Variants in RALA observed in about 807,000 individuals in gnomAD.
The protein encoded by RALA is RAS like proto-oncogene A.
Under a neutral mutation model 24.0 loss-of-function variants are expected in RALA, and 5 were observed. The ratio of observed to expected loss-of-function variants is 0.21; its 90% CI spans 0.11 to 0.44. The LOEUF is 0.44. Ranked by LOEUF, RALA falls within the 20% of genes least tolerant of loss-of-function variation. RALA has a pLI of 0.99. For synonymous variants in RALA, 77 were observed against 83.8 expected, an observed-to-expected ratio of 0.92 and a Z score of 0.44; for missense variants, 95 against 241.2, an observed-to-expected ratio of 0.39 and a Z score of 4.01.
At chr7:39,641,348 A>T (rs1263036082) in intron 1 of RALA, among the ~76,000 whole-genome samples, 1 of 152,230 alleles carries the variant, frequency 6.6e-6, no homozygotes, top group Non-Finnish European at 1.5e-5. Flanking sequence ...ATTGAAACAA[A>T]CATATATGAT....
At position 39,677,065 on chromosome 7, in the gene RALA, G is replaced by A. The variant is rs1052846289; in HGVS notation, c.-37-9566G>A. Among the ~76,000 whole-genome samples the A allele has an allele frequency of 2.6e-5, 4 of 152,210 alleles. No homozygotes were observed. The East Asian group carries it at 7.7e-4, about 29-fold the overall frequency. On this transcript the variant is annotated intron_variant, in intron 1 of 4. Coordinates refer to ENST00000005257, the MANE Select transcript of RALA (RefSeq NM_005402.4). ...GTGTCATAAAAGGGAAGTAGAGGGA[G>A]GTTTGAGTTTGGCTAAAGTAGAGGA...
chr7:39,665,396 A>T (rs1174793858), intron 1 of RALA, among the ~76,000 whole-genome samples: 2 of 152,232 alleles, frequency 1.3e-5, no homozygotes, highest in Non-Finnish European at 2.9e-5. Flanking sequence ...TGTGTTAATC[A>T]ACTATTATGT....
At chr7:39,631,652 T>C (rs1170124571) in intron 1 of RALA, among the ~76,000 whole-genome samples, 21 of 152,248 alleles carry the variant, frequency 1.4e-4, no homozygotes, top group Non-Finnish European at 4.4e-5. Flanking sequence ...GTTTTCAACA[T>C]TTCTTGCTTA....
rs117721075 is a variant in RALA at position 39,644,269 on chromosome 7, C to T, written c.-38+20444C>T. Among the ~76,000 whole-genome samples, 28 of 151,818 alleles carry T rather than the reference C, an allele frequency of 1.8e-4. 2 individuals carry two copies. The East Asian group carries it at 4.8e-3, about 26-fold the overall frequency. ...ATAAGATACTCAGTAGGTATTCACCCATTGGTGCTTATTTTGGGAGCTAAT... is the reference window on the plus strand; with the variant it reads ...ATAAGATACTCAGTAGGTATTCACCTATTGGTGCTTATTTTGGGAGCTAAT... On this transcript the variant is annotated intron_variant, in intron 1 of 4. Transcript: ENST00000005257.
intron 1 of RALA, among the ~76,000 whole-genome samples, chr7:39,673,177 G>GA (rs1792419831): frequency 1.3e-5 from 2 of 152,044 alleles, no homozygotes; most frequent in South Asian, 4.1e-4. Flanking sequence ...GACAGAGCGA[G>GA]ACTCTGTCTC....
In RALA at chr7:39,623,585, C is replaced by G. The variant is rs1157837977; in HGVS notation, c.-278C>G. ...CGGAAGTGATCTGTGGCGGCTGCTG[C>G]AGAGCCGCCAGGAGGAGGGTGGATC... On this transcript the variant is annotated 5_prime_UTR_variant, in exon 1 of 5. Transcript: ENST00000005257. The surrounding 1 kb of genome is among the most constrained non-coding windows in gnomAD (Gnocchi z 4.9). The G allele has an allele frequency of 6.6e-6, 1 of 152,636 alleles. No individual in the cohort carries two copies. The highest frequency in any genetic ancestry group is 1.5e-5 in the Non-Finnish European group (1 of 68,246). The allele number at this position is 152,636 out of a possible 1,614,324, so 9.5% of individuals were successfully genotyped here.
chr7:39,659,678 TC>T (rs1299726689), intron 1 of RALA, among the ~76,000 whole-genome samples: 2 of 152,166 alleles, frequency 1.3e-5, no homozygotes, highest in Admixed American at 6.5e-5. Context: ...TTTTGGAATC[TC>T]TGGGTAAATA....
chr7:39,705,694 C>A (rs944192738), intron 4 of RALA, among the ~76,000 whole-genome samples: 1 of 151,720 alleles, frequency 6.6e-6, no homozygotes, highest in Non-Finnish European at 1.5e-5. Flanking sequence ...CTGAGGAAAC[C>A]AAGTTATGAA....
At chr7:39,660,465 G>A (rs1792168283) in intron 1 of RALA, among the ~76,000 whole-genome samples, 1 of 151,962 alleles carries the variant, frequency 6.6e-6, no homozygotes, top group South Asian at 2.1e-4. Context: ...AAGGAATATT[G>A]AATTTTATCC....
chr7:39,697,640 T>TGG (rs1212989475), intron 4 of RALA: 1 of 300,520 alleles, frequency 3.3e-6, no homozygotes, highest in Non-Finnish European at 6.7e-6. Context: ...ACACACATTC[T>TGG]TGGGTCTTAC....
At chr7:39,672,791 T>A (rs1448521612) in intron 1 of RALA, among the ~76,000 whole-genome samples, 1 of 152,126 alleles carries the variant, frequency 6.6e-6, no homozygotes, top group Non-Finnish European at 1.5e-5. Flanking sequence ...CCTGAAATCC[T>A]ATCAGTGGCT....
At chr7:39,685,084 G>A (rs922296764) in intron 1 of RALA, among the ~76,000 whole-genome samples, 2 of 152,106 alleles carry the variant, frequency 1.3e-5, no homozygotes, top group African/African-American at 2.4e-5. Context: ...TTACTTTGGC[G>A]CCAACCTAAT....
At chr7:39,630,452 G>A (rs1000960905) in intron 1 of RALA, among the ~76,000 whole-genome samples, 3 of 151,986 alleles carry the variant, frequency 2.0e-5, no homozygotes, top group Non-Finnish European at 2.9e-5. Context: ...GACATATGTT[G>A]CAGATATTTT....
intron 1 of RALA, among the ~76,000 whole-genome samples, chr7:39,684,830 G>A (rs1047649141): frequency 6.6e-6 from 1 of 152,126 alleles, no homozygotes; most frequent in African/African-American, 2.4e-5. Flanking sequence ...GACAAGCTTG[G>A]CTTAAAGCAT....
chr7:39,687,704 G>T (rs1013569714), intron 2 of RALA, among the ~76,000 whole-genome samples: 5 of 152,104 alleles, frequency 3.3e-5, no homozygotes, highest in Admixed American at 3.3e-4. Context: ...CCTCACTTCT[G>T]TTTTCTCCCA....
intron 1 of RALA, among the ~76,000 whole-genome samples, chr7:39,645,714 T>C (rs1791915040): frequency 6.6e-6 from 1 of 152,204 alleles, no homozygotes; most frequent in South Asian, 2.1e-4. Flanking sequence ...GCACTTAATC[T>C]AGGCTTAAGG....
At chr7:39,630,386 T>A (rs1398008153) in intron 1 of RALA, among the ~76,000 whole-genome samples, 1 of 152,144 alleles carries the variant, frequency 6.6e-6, no homozygotes, top group Non-Finnish European at 1.5e-5. Flanking sequence ...TTCAGTCTTT[T>A]TTCCTCTCAG....
At chr7:39,651,916 C>T (rs1290255141) in intron 1 of RALA, among the ~76,000 whole-genome samples, 2 of 152,162 alleles carry the variant, frequency 1.3e-5, no homozygotes, top group Admixed American at 6.5e-5. Flanking sequence ...ATATTCTTAT[C>T]GCTAATTTTC....
chr7:39,690,826 G>C (rs1030326053), intron 3 of RALA, among the ~76,000 whole-genome samples: 2 of 152,148 alleles, frequency 1.3e-5, no homozygotes, highest in African/African-American at 4.8e-5. Context: ...GTTTGATTTT[G>C]TGACAGCTTC....
Sources: allele counts gnomAD v4.1 joint callset (sites outside exome capture counted in the v4.1 genomes callset), GRCh38; gene constraint gnomAD v4.1.1; non-coding constraint Gnocchi (gnomAD v3.1); transcripts MANE v1.5; gene names NCBI Gene and HGNC (gene_info 2026-07-23, HGNC 2026-07-21).